Variants in FAM163B observed in about 807,000 individuals in gnomAD.
The protein encoded by FAM163B is protein FAM163B.
In FAM163B, 4 loss-of-function variants were observed where a neutral mutation model predicts 7.6. That is an observed-to-expected ratio of 0.52 (90% CI 0.26 to 1.20). FAM163B has a LOEUF of 1.20. Ranked by LOEUF, FAM163B falls within the 50% of genes most tolerant of loss-of-function variation. The probability of loss-of-function intolerance (pLI) is 0.14; values close to 1 mark genes in which losing one functional copy is unlikely to be tolerated. For missense variants in FAM163B, 250 were observed against 243.0 expected (o/e 1.03, Z -0.19); for synonymous variants, 120 against 111.6 (o/e 1.07, Z -0.47).
At chr9:133,582,058 C>T (rs1831364094) in intron 1 of FAM163B, among the ~76,000 whole-genome samples, 2 of 152,180 alleles carry the variant, frequency 1.3e-5, no homozygotes, top group African/African-American at 4.8e-5. Context: ...CCCTAGCATG[C>T]GGCCTGCAGA....
Position 133,578,990 on chromosome 9 carries a change from T to C in FAM163B, c.*32A>G. 2 of 1,470,208 alleles carry C rather than the reference T, an allele frequency of 1.4e-6. No individual in the cohort carries two copies. The highest frequency in any genetic ancestry group is 1.4e-5 in the South Asian group (1 of 72,302). 91.1% of individuals were successfully genotyped at this position (1,470,208 alleles called of 1,614,324 possible). The stretch of plus-strand genomic sequence containing the variant: ...GGAATCCCCCCATTGTCTCAGGACC[T>C]TCAAGGCCAGGATCCCGGGGGCGGG... On this transcript the variant is annotated 3_prime_UTR_variant, in exon 3 of 3. Transcript: ENST00000673969.
chr9:133,577,107 C>G lies in FAM163B; in HGVS notation c.*1915G>C, dbSNP rs943682417. ...GTGGGAGATGTTTTATTGGCTTTCA[C>G]TTTCCTCAGGGAGCCAGCGGCTCCC... On this transcript the variant is annotated 3_prime_UTR_variant, in exon 3 of 3. Transcript: ENST00000673969. 2.0e-5 allele frequency among the ~76,000 whole-genome samples: 3 copies of G among 152,250 alleles called. No individual in the cohort carries two copies. The highest frequency in any genetic ancestry group is 4.4e-5 in the Non-Finnish European group (3 of 68,042).
intron 1 of FAM163B, among the ~76,000 whole-genome samples, chr9:133,585,732 G>A (rs1160881832): frequency 1.3e-5 from 2 of 152,214 alleles, no homozygotes; most frequent in African/African-American, 4.8e-5. Flanking sequence ...GCAATCTGAT[G>A]GCTTCACAAG....
At chr9:133,608,246 T>C (rs969798674) in intron 1 of FAM163B, among the ~76,000 whole-genome samples, 7 of 152,128 alleles carry the variant, frequency 4.6e-5, no homozygotes, top group African/African-American at 1.7e-4. Flanking sequence ...GACCCTTGAG[T>C]TTCTTGTCTC....
Position 133,579,372 on chromosome 9 carries a change from C to A in FAM163B, c.151G>T (p.Val51Phe). ...TGCAGCGGGGGCAGGTGCGAGTGAA[C>A]GGCGAAGTCTGGTTCCTCCTCGTCC... ...EEDEEEPDFA[V>F]HSHLPPLHSN... Residue 51 changes from valine (V) to phenylalanine (F), a missense_variant, in exon 3 of 3, where the codon GTT (valine) becomes TTT (phenylalanine). Transcript: ENST00000673969. The A allele has an allele frequency of 1.2e-6, 2 of 1,611,958 alleles. No individual in the cohort carries two copies. The highest frequency in any genetic ancestry group is 1.7e-6 in the Non-Finnish European group (2 of 1,179,442).
intron 1 of FAM163B, among the ~76,000 whole-genome samples, chr9:133,588,920 C>G (rs73555779): frequency 0.019 from 2,957 of 151,980 alleles, 106 homozygotes; most frequent in African/African-American, 0.067. Context: ...TCCCAGAAAC[C>G]CCTGCTCTCC....
chr9:133,601,802 C>G lies in FAM163B; in HGVS notation c.-24+7275G>C, dbSNP rs947578608. ...CCATCTGACCACCATGGCGTCAGGG[C>G]GCGTCTCAGAAGGCTTGACTAAAGC... is the stretch of plus-strand genomic sequence containing the variant. On this transcript the variant is annotated intron_variant, in intron 1 of 2. Transcript: ENST00000673969. This position sits in a 1 kb window ranked among gnomAD's most constrained non-coding sequence, Gnocchi z 4.1. 6.6e-6 allele frequency among the ~76,000 whole-genome samples: 1 copy of G among 152,196 alleles called. No homozygotes were observed. Among genetic ancestry groups the G allele is most frequent in the African/African-American group, 2.4e-5 (1 of 41,448 alleles).
chr9:133,602,037 C>T (rs1411548294), intron 1 of FAM163B, among the ~76,000 whole-genome samples: 1 of 152,166 alleles, frequency 6.6e-6, no homozygotes, highest in Non-Finnish European at 1.5e-5. Flanking sequence ...GTTCTATCCT[C>T]AGCTGGGAAT....
chr9:133,608,148 C>T (rs2131267746), intron 1 of FAM163B, among the ~76,000 whole-genome samples: 1 of 152,322 alleles, frequency 6.6e-6, no homozygotes, highest in African/African-American at 2.4e-5. Flanking sequence ...CTCCTGAGCT[C>T]CTGCTTACTG....
At chr9:133,607,105 G>C (rs543278829) in intron 1 of FAM163B, among the ~76,000 whole-genome samples, 22 of 152,260 alleles carry the variant, frequency 1.4e-4, no homozygotes, top group Non-Finnish European at 2.6e-4. Flanking sequence ...CAATACCATG[G>C]CAAAAAGGGA....
intron 1 of FAM163B, among the ~76,000 whole-genome samples, chr9:133,589,089 C>T (rs1171206057): frequency 1.3e-5 from 2 of 152,150 alleles, no homozygotes; most frequent in African/African-American, 4.8e-5. Flanking sequence ...TCAGCAATAC[C>T]CCCGGAAAAT....
At chr9:133,582,341 A>G (rs1831368411) in intron 1 of FAM163B, among the ~76,000 whole-genome samples, 1 of 152,148 alleles carries the variant, frequency 6.6e-6, no homozygotes, top group African/African-American at 2.4e-5. Flanking sequence ...GTTTCAGTCC[A>G]CTGCAGTCAT....
At chr9:133,584,500 A>T (rs1831403698) in intron 1 of FAM163B, among the ~76,000 whole-genome samples, 1 of 152,248 alleles carries the variant, frequency 6.6e-6, no homozygotes, top group African/African-American at 2.4e-5. Context: ...GGATTATGAA[A>T]ATGTAAACAA....
rs1031081362 is a variant in FAM163B at position 133,600,090 on chromosome 9, T to C, written c.-24+8987A>G. 2.0e-5 allele frequency among the ~76,000 whole-genome samples: 3 copies of C among 150,930 alleles called. No homozygotes were observed. The highest frequency in any genetic ancestry group is 7.3e-5 in the African/African-American group (3 of 40,832). On this transcript the variant is annotated intron_variant, in intron 1 of 2. Transcript: ENST00000673969. This position sits in a 1 kb window ranked among gnomAD's most constrained non-coding sequence, Gnocchi z 4.9. Reference sequence around the variant, plus strand: ...GTGCATGTGTGTGTGTCTGTGTGCATGTGTGCCTCTGAATGTGTGTGGTCT... The same window carrying C: ...GTGCATGTGTGTGTGTCTGTGTGCACGTGTGCCTCTGAATGTGTGTGGTCT...
chr9:133,588,292 T>C (rs573081534), intron 1 of FAM163B, among the ~76,000 whole-genome samples: 64 of 152,270 alleles, frequency 4.2e-4, no homozygotes, highest in African/African-American at 1.4e-3. Context: ...GGGTCTCAGA[T>C]AGATCATGCT....
chr9:133,580,137 C>T lies in FAM163B; in HGVS notation c.87G>A (p.Arg29=). Residue 29 remains arginine (R), a synonymous_variant, in exon 2 of 3, where the codon CGG becomes CGA. Transcript: ENST00000673969. ...LCIIAVLCYC[R]LQYYCCKKDE... ...CCCCGCCGCCCGGGAATACCTGGAG[C>T]CGGCAGTAGCACAGAACAGCGATGA... 6.8e-6 allele frequency: 11 copies of T among 1,611,762 alleles called. No homozygotes were observed. The highest frequency in any genetic ancestry group is 1.1e-5 in the South Asian group (1 of 91,056).
chr9:133,582,901 C>A (rs376180281), intron 1 of FAM163B, among the ~76,000 whole-genome samples: 1 of 152,138 alleles, frequency 6.6e-6, no homozygotes, highest in African/African-American at 2.4e-5. Flanking sequence ...CGCTGGTCCC[C>A]GGAGGGAGCG....
chr9:133,586,864 C>T (rs965286728), intron 1 of FAM163B, among the ~76,000 whole-genome samples: 1 of 151,858 alleles, frequency 6.6e-6, no homozygotes, highest in East Asian at 2.0e-4. Context: ...CCAGGCTTTG[C>T]GGGACTCTGT....
intron 1 of FAM163B, among the ~76,000 whole-genome samples, chr9:133,591,092 C>T (rs1449300932): frequency 6.6e-6 from 1 of 152,188 alleles, no homozygotes; most frequent in Non-Finnish European, 1.5e-5. Context: ...AGGCCCAAGC[C>T]CGGACCACCC....
Sources: gnomAD v4.1 joint callset for allele counts (sites outside exome capture counted in the v4.1 genomes callset) on GRCh38, gnomAD v4.1.1 for gene constraint, Gnocchi (gnomAD v3.1) non-coding constraint, MANE v1.5 for transcripts, NCBI Gene and HGNC (gene_info 2026-07-23, HGNC 2026-07-21) for gene names.